EXOC2: variants seen among roughly 807,000 people sequenced by gnomAD.
EXOC2 encodes exocyst complex component 2, also known as SEC5-like 1.
Under a neutral mutation model 131.8 loss-of-function variants are expected in EXOC2, and 70 were observed. That is an observed-to-expected ratio of 0.53 (90% confidence interval 0.44 to 0.65). EXOC2 has a LOEUF of 0.65. Ranked by LOEUF, EXOC2 falls within the 30% of genes least tolerant of loss-of-function variation. The pLI is 0.00. For missense variants in EXOC2, 923 were observed against 1,108.6 expected, an observed-to-expected ratio of 0.83 and a Z score of 2.38; for synonymous variants, 411 against 398.4, an observed-to-expected ratio of 1.03 and a Z score of -0.38.
rs570663153 is a variant in EXOC2, at chr6:671,364, C to A, written c.-44+21655G>T. ...CAACAACAACAACAACAAAAAAAAA[C>A]AAAAAAAGAAAAACTATTTGTTTTT... On this transcript the variant is annotated intron_variant, in intron 1 of 27. Coordinates refer to ENST00000230449, the MANE Select transcript of EXOC2 (RefSeq NM_018303.6). Among the ~76,000 whole-genome samples, 383 of 141,204 alleles carry A rather than the reference C, an allele frequency of 2.7e-3. 2 individuals are homozygous for A. The highest frequency in any genetic ancestry group is 0.011 in the Middle Eastern group (3 of 282). 92.6% of individuals were successfully genotyped at this position (141,204 alleles called of 152,430 possible).
intron 27 of EXOC2, among the ~76,000 whole-genome samples, chr6:488,558 A>G (rs1371816471): frequency 4.6e-5 from 7 of 152,296 alleles, no homozygotes; most frequent in Middle Eastern, 3.4e-3. Flanking sequence ...AGAACACAAA[A>G]TAAATACTAC....
intron 6 of EXOC2, among the ~76,000 whole-genome samples, chr6:613,279 T>C (rs1284730240): frequency 6.6e-6 from 1 of 152,116 alleles, no homozygotes; most frequent in African/African-American, 2.4e-5. Context: ...AAAATACCTG[T>C]GGGGACACAC....
intron 1 of EXOC2, among the ~76,000 whole-genome samples, chr6:674,932 C>T (rs761174539): frequency 3.9e-5 from 6 of 152,072 alleles, no homozygotes; most frequent in Non-Finnish European, 1.5e-5. Flanking sequence ...CAACTAGGGA[C>T]CACTCCTACA....
chr6:545,885 C>T (rs746486877), intron 22 of EXOC2, among the ~76,000 whole-genome samples: 57 of 152,078 alleles, frequency 3.7e-4, no homozygotes, highest in Middle Eastern at 3.2e-3. Flanking sequence ...CCATAAGACA[C>T]ATTTTACAAA....
At chr6:636,180 C>T (rs9392715) in intron 2 of EXOC2, among the ~76,000 whole-genome samples, 107,315 of 151,726 alleles carry the variant, frequency 0.71, 38,569 homozygotes, top group Middle Eastern at 0.88. Flanking sequence ...TGTTTGGGAG[C>T]GCACAATGAC....
rs1379508887 is a variant in EXOC2 at position 598,043 on chromosome 6, G to A, written c.1051C>T (p.His351Tyr). The change falls in exon 10 of 28, where the codon CAT becomes TAT. Residue 351 changes from histidine (H) to tyrosine (Y), a missense_variant. Physicochemically the swap from His to Tyr is moderately conservative, Grantham distance 83. Transcript: ENST00000230449. Reference sequence around the variant, plus strand: ...TACCTTATGTAACGTTTTTGGTCATGTAAAGTTGATGGTGTCTCAAGCAAT... The same window carrying A: ...TACCTTATGTAACGTTTTTGGTCATATAAAGTTGATGGTGTCTCAAGCAAT... ...DKLLETPSTL[H>Y]DQKRYIRYLS... The A allele has an allele frequency of 6.2e-7, 1 of 1,613,344 alleles. No homozygotes were observed. Among genetic ancestry groups the A allele is most frequent in the African/African-American group, 1.3e-5 (1 of 74,918 alleles).
chr6:618,525 T>C (rs1312272991), intron 5 of EXOC2, among the ~76,000 whole-genome samples: 1 of 152,246 alleles, frequency 6.6e-6, no homozygotes, highest in African/African-American at 2.4e-5. Flanking sequence ...TTCTGACTTA[T>C]AATAATAGAA....
chr6:581,436 C>CAAAAAA (rs1440111079), intron 11 of EXOC2, among the ~76,000 whole-genome samples: 1 of 152,054 alleles, frequency 6.6e-6, no homozygotes, highest in Admixed American at 6.5e-5. Flanking sequence ...AGATCAAAAA[C>CAAAAAA]ATTTGGTTGT....
chr6:669,293 A>G (rs1763757052), intron 1 of EXOC2: 1 of 152,372 alleles, frequency 6.6e-6, no homozygotes, highest in African/African-American at 2.4e-5. Context: ...GCCAGCCCTG[A>G]ATGTTGCGAG....
intron 1 of EXOC2, among the ~76,000 whole-genome samples, chr6:691,565 A>G (rs1764925413): frequency 6.6e-6 from 1 of 152,266 alleles, no homozygotes; most frequent in Non-Finnish European, 1.5e-5. Flanking sequence ...AATACAGTAT[A>G]TAATACGTAT....
At chr6:678,470 A>G (rs534118822) in intron 1 of EXOC2, among the ~76,000 whole-genome samples, 245 of 152,362 alleles carry the variant, frequency 1.6e-3, no homozygotes, top group African/African-American at 5.0e-3. Context: ...TTCGTGGGCC[A>G]GGTGCGTCAT....
Position 549,343 on chromosome 6 carries a change from T to G in EXOC2, c.2122-52A>C, listed in dbSNP as rs372467760. The G allele has an allele frequency of 2.2e-4, 286 of 1,297,550 alleles. 1 individual carries two copies. The highest frequency in any genetic ancestry group is 3.7e-4 in the Middle Eastern group (2 of 5,472). The allele number at this position is 1,297,550 out of a possible 1,614,324, so 80.4% of individuals were successfully genotyped here. A position where few individuals can be genotyped will look rare whatever the true frequency, so the allele number is the denominator to read the frequency against. ...ATCACCTTTATGGTGCCAGAGAGAA[T>G]AGCTGATTAACACTTGTCAAGTTTA... On this transcript the variant is annotated intron_variant, in intron 21 of 27. Transcript: ENST00000230449.
intron 23 of EXOC2, among the ~76,000 whole-genome samples, chr6:527,636 G>A (rs1360214166): frequency 6.6e-6 from 1 of 152,184 alleles, no homozygotes; most frequent in Admixed American, 6.5e-5. Flanking sequence ...CATCATACAT[G>A]GAAGCAACCA....
intron 1 of EXOC2, chr6:656,279 G>A: frequency 6.2e-7 from 1 of 1,614,184 alleles, no homozygotes; most frequent in African/African-American, 1.3e-5. Flanking sequence ...TGCTCTCCAG[G>A]TCTCTGTTTT....
chr6:626,644 T>G (rs972881261), intron 4 of EXOC2, among the ~76,000 whole-genome samples: 6 of 152,114 alleles, frequency 3.9e-5, no homozygotes, highest in Non-Finnish European at 8.8e-5. Context: ...CAGGTTGAAG[T>G]GCAGTGACCC....
At chr6:572,216 C>T (rs553103908) in intron 13 of EXOC2, among the ~76,000 whole-genome samples, 4 of 152,280 alleles carry the variant, frequency 2.6e-5, no homozygotes, top group East Asian at 1.9e-4. Flanking sequence ...TATCTCAATT[C>T]GGAGTCCCTG....
rs9504404 is a variant in EXOC2 at position 601,135 on chromosome 6, T to G, written c.743-1910A>C. Among the ~76,000 whole-genome samples, 704 of 152,272 alleles carry G rather than the reference T, an allele frequency of 4.6e-3. 5 individuals carry two copies. The highest frequency in any genetic ancestry group is 0.016 in the African/African-American group (679 of 41,512). On this transcript the variant is annotated intron_variant, in intron 7 of 27. Transcript: ENST00000230449. ...GAAGAAAAGGGGTGCTCTTCACATG[T>G]GAGGCTGATGTCACAGATAACGCCA... is the stretch of plus-strand genomic sequence containing the variant.
intron 10 of EXOC2, 111 bp downstream of exon 10, chr6:597,910 C>T: frequency 2.8e-6 from 2 of 707,024 alleles, no homozygotes; most frequent in Non-Finnish European, 2.3e-6. Flanking sequence ...TCTTCCCCTT[C>T]ACCATTTCAT....
intron 23 of EXOC2, among the ~76,000 whole-genome samples, chr6:501,121 A>ATATATAATATATATATC (rs1764034659): frequency 1.5e-5 from 1 of 66,262 alleles, no homozygotes; most frequent in African/African-American, 5.5e-5. Context: ...ATATATATCT[A>ATATATAATATATATATC]TATATATTAT....
Sources: allele counts gnomAD v4.1 joint callset (sites outside exome capture counted in the v4.1 genomes callset), GRCh38; gene constraint gnomAD v4.1.1; transcripts MANE v1.5; gene names NCBI Gene and HGNC (gene_info 2026-07-23, HGNC 2026-07-21).